PSMA3: variants seen among roughly 807,000 people sequenced by gnomAD.
PSMA3 encodes proteasome 20S subunit alpha 3.
In PSMA3, 8 loss-of-function variants were observed where a neutral mutation model predicts 40.0. That is an observed-to-expected ratio of 0.20 (90% CI 0.12 to 0.36). PSMA3 has a LOEUF of 0.36. Among genes scored for constraint, PSMA3 ranks in the 10% least tolerant of loss-of-function variants. The pLI, the probability that PSMA3 is intolerant of heterozygous loss-of-function variation, is 1.00. For synonymous variants in PSMA3, 110 were observed against 100.0 expected (o/e 1.10, Z -0.59); for missense variants, 219 against 310.6 (o/e 0.70, Z 2.22).
Position 58,271,957 on chromosome 14 carries a change from C to G in PSMA3, c.*62C>G, listed in dbSNP as rs1212102178. 2.4e-6 allele frequency: 3 copies of G among 1,246,112 alleles called. No individual in the cohort carries two copies. The highest frequency in any genetic ancestry group is 1.5e-5 in the African/African-American group (1 of 67,530). The allele number at this position is 1,246,112 out of a possible 1,614,324, so 77.2% of individuals were successfully genotyped here. On this transcript the variant is annotated 3_prime_UTR_variant, in exon 11 of 11. Coordinates refer to ENST00000216455, the MANE Select transcript of PSMA3 (RefSeq NM_002788.4). ...CTCCAGTCCAATGTAACTATTTAGC[C>G]CTGGATTATACATACTGTCCAATTT...
intron 6 of PSMA3, chr14:58,263,426 G>A (rs553924484): frequency 1.0e-4 from 23 of 225,150 alleles, no homozygotes; most frequent in Non-Finnish European, 1.8e-4. Flanking sequence ...AATCTTTTCC[G>A]TTCCTGTTCC....
chr14:58,261,378 C>T (rs1358292413), intron 6 of PSMA3, among the ~76,000 whole-genome samples: 1 of 151,932 alleles, frequency 6.6e-6, no homozygotes, highest in East Asian at 1.9e-4. Context: ...AGGCCTTTGC[C>T]ATGTTGGCCA....
chr14:58,246,079 G>C (rs897913909), intron 1 of PSMA3, among the ~76,000 whole-genome samples: 2 of 152,166 alleles, frequency 1.3e-5, no homozygotes, highest in Non-Finnish European at 2.9e-5. Flanking sequence ...ACAATGGTAG[G>C]GTTAATGATC....
chr14:58,255,625 C>T (rs1201491128), intron 3 of PSMA3, among the ~76,000 whole-genome samples: 4 of 152,074 alleles, frequency 2.6e-5, no homozygotes, highest in Non-Finnish European at 5.9e-5. Flanking sequence ...AAAAATTAGC[C>T]GGGCGTGGTG....
At chr14:58,261,507 G>A (rs901018703) in intron 6 of PSMA3, among the ~76,000 whole-genome samples, 6 of 152,090 alleles carry the variant, frequency 3.9e-5, no homozygotes, top group African/African-American at 9.7e-5. Flanking sequence ...TAACTGATAC[G>A]AGGCAGAGGA....
chr14:58,248,419 G>A (rs1328493370), intron 2 of PSMA3, among the ~76,000 whole-genome samples: 5 of 151,812 alleles, frequency 3.3e-5, no homozygotes, highest in South Asian at 2.1e-4. Flanking sequence ...TAGTAGAGAC[G>A]GGGTTTTGCC....
intron 7 of PSMA3, chr14:58,265,078 A>T (rs180965732): frequency 2.0e-5 from 3 of 152,244 alleles, no homozygotes; most frequent in Admixed American, 6.5e-5. Flanking sequence ...GCTGGGCAAA[A>T]GAGTAAGACC....
chr14:58,263,644 G>A lies in PSMA3; in HGVS notation c.478-61G>A, dbSNP rs184460322. 9.3e-5 allele frequency: 122 copies of A among 1,315,856 alleles called. No individual in the cohort carries two copies. The African/African-American group carries it at 1.5e-3, about 16-fold the overall frequency. The allele number at this position is 1,315,856 out of a possible 1,614,324, so 81.5% of individuals were successfully genotyped here. A position where few individuals can be genotyped will look rare whatever the true frequency, so the allele number is the denominator to read the frequency against. On this transcript the variant is annotated intron_variant, in intron 6 of 10. Coordinates refer to ENST00000216455, the MANE Select transcript of PSMA3 (RefSeq NM_002788.4). ...TCACTAGGTTATAGAAACATTAGTA[G>A]TCATTAATTACATATGATAGTGTAC...
chr14:58,252,107 T>C lies in PSMA3; in HGVS notation c.105-12T>C, dbSNP rs1484604085. 1.3e-6 allele frequency: 2 copies of C among 1,569,628 alleles called. No individual in the cohort carries two copies. The highest frequency in any genetic ancestry group is 2.8e-5 in the African/African-American group (2 of 71,972). ...TTCAGTTAAAAAACTGATTTTCTTC[T>C]CCTTGTTTCAGTACAGCTATTGGAA... On this transcript the variant is annotated splice_polypyrimidine_tract_variant and intron_variant, in intron 2 of 10. Coordinates refer to ENST00000216455, the MANE Select transcript of PSMA3 (RefSeq NM_002788.4).
At chr14:58,269,229 G>A (rs1297616696) in intron 8 of PSMA3, among the ~76,000 whole-genome samples, 1 of 151,796 alleles carries the variant, frequency 6.6e-6, no homozygotes, top group Admixed American at 6.6e-5. Flanking sequence ...ACCGCACCTG[G>A]CCTCTTGATA....
intron 7 of PSMA3, 118 bp from the exon 8 acceptor site, chr14:58,267,356 C>G: frequency 1.6e-6 from 2 of 1,257,902 alleles, no homozygotes; most frequent in South Asian, 5.8e-5. Context: ...CGATTCTGGT[C>G]TTTTTCAGAC....
intron 1 of PSMA3, among the ~76,000 whole-genome samples, chr14:58,246,783 C>T (rs1889891939): frequency 6.6e-6 from 1 of 152,162 alleles, no homozygotes; most frequent in South Asian, 2.1e-4. Context: ...AAGCTACTAC[C>T]GCTATCTTTG....
chr14:58,257,642 T>G, intron 3 of PSMA3, 103 bp from the exon 4 acceptor site: 1 of 991,602 alleles, frequency 1.0e-6, no homozygotes, highest in Non-Finnish European at 1.5e-6. Flanking sequence ...TTATTTTGAA[T>G]GGTAATACTT....
At chr14:58,252,070 GTTTCT>G in intron 2 of PSMA3, 44 bp from the exon 3 acceptor site, 1 of 1,546,252 alleles carries the variant, frequency 6.5e-7, no homozygotes, top group Non-Finnish European at 8.7e-7. Flanking sequence ...AGTTTATGAA[GTTTCT>G]TTTATTTTCA....
chr14:58,269,240 C>A (rs114357854), intron 8 of PSMA3, among the ~76,000 whole-genome samples: 1 of 151,892 alleles, frequency 6.6e-6, no homozygotes, highest in Non-Finnish European at 1.5e-5. Flanking sequence ...CCTCTTGATA[C>A]TTTTTATGTT....
intron 10 of PSMA3, 56 bp downstream of exon 10, chr14:58,271,054 C>A: frequency 2.2e-6 from 3 of 1,361,454 alleles, no homozygotes; most frequent in Non-Finnish European, 3.1e-6. Context: ...AATCACTTAG[C>A]CCAGGAGTTT....
intron 5 of PSMA3, among the ~76,000 whole-genome samples, chr14:58,260,546 T>C (rs1441889177): frequency 1.3e-5 from 2 of 152,192 alleles, no homozygotes; most frequent in Non-Finnish European, 2.9e-5. Flanking sequence ...TGGCAGGATA[T>C]TGGGAAATAG....
At chr14:58,256,992 C>T (rs192679586) in intron 3 of PSMA3, among the ~76,000 whole-genome samples, 3 of 150,090 alleles carry the variant, frequency 2.0e-5, no homozygotes, top group Admixed American at 6.7e-5. Flanking sequence ...ATCCCAGCTA[C>T]TGGGGAGGCT....
At chr14:58,250,145 G>A (rs1365649215) in intron 2 of PSMA3, among the ~76,000 whole-genome samples, 2 of 151,320 alleles carry the variant, frequency 1.3e-5, no homozygotes, top group African/African-American at 2.4e-5. Context: ...ACTTGAACCC[G>A]GGAGATGGAG....
Sources: allele counts gnomAD v4.1 joint callset (sites outside exome capture counted in the v4.1 genomes callset), GRCh38; gene constraint gnomAD v4.1.1; transcripts MANE v1.5; gene names NCBI Gene and HGNC (gene_info 2026-07-23, HGNC 2026-07-21).